The following PPIG variants were observed in gnomAD, a reference collection of about 807,000 sequenced individuals.
The protein encoded by PPIG is peptidyl-prolyl cis-trans isomerase G.
In PPIG, 26 loss-of-function variants were observed where a neutral mutation model predicts 87.9. That is an observed-to-expected ratio of 0.30 (90% CI 0.22 to 0.41). The LOEUF is 0.41. PPIG is among the 10% of genes least tolerant of loss of function. The pLI, the probability that PPIG is intolerant of heterozygous loss-of-function variation, is 1.00. For missense variants in PPIG, 722 were observed against 879.4 expected, an observed-to-expected ratio of 0.82 and a Z score of 2.26; for synonymous variants, 308 against 276.5, an observed-to-expected ratio of 1.11 and a Z score of -1.13.
At chr2:169,588,732 T>A (rs1684773410) in intron 1 of PPIG, among the ~76,000 whole-genome samples, 1 of 151,850 alleles carries the variant, frequency 6.6e-6, no homozygotes, top group South Asian at 2.1e-4. Context: ...GAGGCCGAGG[T>A]GGGTGGATCA....
intron 1 of PPIG, among the ~76,000 whole-genome samples, 177 bp from the exon 2 acceptor site, chr2:169,603,465 C>CA (rs1224786056): frequency 1.3e-5 from 2 of 151,262 alleles, no homozygotes; most frequent in East Asian, 3.9e-4. Flanking sequence ...TGCTTTTACT[C>CA]AAAATGTAAA....
chr2:169,593,005 A>ATTT (rs945842900), intron 1 of PPIG, among the ~76,000 whole-genome samples: 2 of 151,984 alleles, frequency 1.3e-5, no homozygotes, highest in East Asian at 3.8e-4. Flanking sequence ...GGCATATGTG[A>ATTT]TTTGTCATTT....
At chr2:169,594,458 A>G (rs1452414415) in intron 1 of PPIG, among the ~76,000 whole-genome samples, 1 of 152,042 alleles carries the variant, frequency 6.6e-6, no homozygotes, top group Non-Finnish European at 1.5e-5. Context: ...GATGATTGCT[A>G]ACATTATGGT....
chr2:169,588,004 G>C (rs115107374), intron 1 of PPIG, among the ~76,000 whole-genome samples: 367 of 151,788 alleles, frequency 2.4e-3, no homozygotes, highest in African/African-American at 8.5e-3. Flanking sequence ...TTTCTACTTA[G>C]AATACAAAAA....
chr2:169,618,703 C>G (rs1022557558), intron 9 of PPIG, among the ~76,000 whole-genome samples: 2 of 151,986 alleles, frequency 1.3e-5, no homozygotes, highest in African/African-American at 4.8e-5. Context: ...GGTGATCTCC[C>G]CTTTATCATT....
At chr2:169,631,433 A>C (rs535324424) in intron 10 of PPIG, 15 of 438,850 alleles carry the variant, frequency 3.4e-5, no homozygotes, top group Non-Finnish European at 4.1e-5. Context: ...TCATCTGCCT[A>C]TGGCTCAAAT....
chr2:169,636,032 C>G, intron 12 of PPIG, 60 bp from the exon 13 acceptor site: 1 of 1,358,822 alleles, frequency 7.4e-7, no homozygotes, highest in Non-Finnish European at 1.0e-6. Context: ...CCTCCCAGCA[C>G]CCATGCGAGT....
chr2:169,600,214 ACAGGCATGTGCCACCATGCCTGT>A (rs1685141710), intron 1 of PPIG, among the ~76,000 whole-genome samples: 1 of 151,678 alleles, frequency 6.6e-6, no homozygotes, highest in Non-Finnish European at 1.5e-5. Context: ...AGCTGGGGCT[ACAGGCATGTGCCACCATGCCTGT>A]CTAATTTTTG....
At chr2:169,612,074 C>T (rs1024246219) in intron 7 of PPIG, among the ~76,000 whole-genome samples, 3 of 152,082 alleles carry the variant, frequency 2.0e-5, no homozygotes, top group Non-Finnish European at 4.4e-5. Flanking sequence ...CTCCTAGGCT[C>T]AAGTGATCCT....
chr2:169,633,362 A>T, intron 12 of PPIG, 115 bp downstream of exon 12: 1 of 782,102 alleles, frequency 1.3e-6, no homozygotes, highest in South Asian at 1.6e-5. Context: ...TTTAGGGGAG[A>T]TGCAGGCATT....
chr2:169,631,698 C>A lies in PPIG; in HGVS notation c.762-68C>A, dbSNP rs912313779. Reference sequence around the variant, plus strand: ...GTGATATAAAGGAAAGAAATACCAACAATTGGATACTTCCGTAAGGACATA... The same window carrying A: ...GTGATATAAAGGAAAGAAATACCAAAAATTGGATACTTCCGTAAGGACATA... On this transcript the variant is annotated intron_variant, in intron 10 of 13. Transcript: ENST00000260970. The A allele has an allele frequency of 7.5e-6, 12 of 1,602,980 alleles. No individual in the cohort carries two copies. In the African/African-American group the frequency reaches 1.6e-4, roughly 22 times the overall value.
intron 1 of PPIG, among the ~76,000 whole-genome samples, chr2:169,602,638 A>G (rs1365404551): frequency 6.6e-6 from 1 of 152,182 alleles, no homozygotes; most frequent in African/African-American, 2.4e-5. Context: ...TTGTTTGTCA[A>G]AATGTGGCTA....
intron 1 of PPIG, among the ~76,000 whole-genome samples, chr2:169,599,419 T>G (rs10183958): frequency 0.017 from 2,532 of 152,276 alleles, 69 homozygotes; most frequent in African/African-American, 0.058. Flanking sequence ...ACTAATTTAC[T>G]TAACTATTGT....
At chr2:169,616,482 T>C (rs1177258490) in intron 9 of PPIG, among the ~76,000 whole-genome samples, 1 of 152,218 alleles carries the variant, frequency 6.6e-6, no homozygotes, top group Non-Finnish European at 1.5e-5. Context: ...ACAGTGTTCC[T>C]ATTTCTCCAC....
intron 7 of PPIG, among the ~76,000 whole-genome samples, chr2:169,609,268 T>G (rs2592815): frequency 0.76 from 114,875 of 151,504 alleles, 43,752 homozygotes; most frequent in East Asian, 0.95. Context: ...GAGTGCAGTG[T>G]TGCAATCATG....
At chr2:169,586,708 A>G (rs751075088) in intron 1 of PPIG, among the ~76,000 whole-genome samples, 7 of 152,212 alleles carry the variant, frequency 4.6e-5, no homozygotes, top group African/African-American at 1.2e-4. Context: ...TTAGGACACT[A>G]TCTGGGGTTA....
intron 4 of PPIG, among the ~76,000 whole-genome samples, chr2:169,604,828 C>G (rs1026350904): frequency 6.7e-6 from 1 of 150,192 alleles, no homozygotes; most frequent in Non-Finnish European, 1.5e-5. Context: ...GAGCCGAGAT[C>G]GTGCCATTGC....
At chr2:169,636,043 C>G in intron 12 of PPIG, 49 bp from the exon 13 acceptor site, 221 of 1,402,304 alleles carry the variant, frequency 1.6e-4, no homozygotes, top group Middle Eastern at 6.2e-4. Flanking sequence ...CCATGCGAGT[C>G]CCTCTATACT....
chr2:169,635,297 T>C (rs1287835002), intron 12 of PPIG, among the ~76,000 whole-genome samples: 1 of 152,188 alleles, frequency 6.6e-6, no homozygotes, highest in African/African-American at 2.4e-5. Flanking sequence ...ACCTAGTCCT[T>C]GCTTACCTCA....
Sources: gnomAD v4.1 joint callset for allele counts (sites outside exome capture counted in the v4.1 genomes callset) on GRCh38, gnomAD v4.1.1 for gene constraint, MANE v1.5 for transcripts, NCBI Gene and HGNC (gene_info 2026-07-23, HGNC 2026-07-21) for gene names.